AMOTL1: variants seen among roughly 807,000 people sequenced by gnomAD.
AMOTL1 encodes the protein angiomotin-like protein 1.
AMOTL1 carries 45 observed loss-of-function variants against 102.9 expected under a neutral mutation model. That is an observed-to-expected ratio of 0.44 (90% CI 0.34 to 0.56). AMOTL1 has a LOEUF of 0.56. Ranked by LOEUF, AMOTL1 falls within the 20% of genes least tolerant of loss-of-function variation. The pLI, the probability that AMOTL1 is intolerant of heterozygous loss-of-function variation, is 0.01. For missense variants in AMOTL1, 1,114 were observed against 1,225.6 expected, an observed-to-expected ratio of 0.91 and a Z score of 1.36; for synonymous variants, 481 against 484.7, an observed-to-expected ratio of 0.99 and a Z score of 0.10.
chr11:94,872,963 A>T lies in AMOTL1; in HGVS notation c.*2168A>T, dbSNP rs911469161. 3 of 152,198 alleles carry T rather than the reference A, an allele frequency of 2.0e-5. No individual in the cohort carries two copies. Among genetic ancestry groups the T allele is most frequent in the Non-Finnish European group, 2.9e-5 (2 of 68,044 alleles). The allele number at this position is 152,198 out of a possible 1,614,324, so 9.4% of individuals were successfully genotyped here. A position where few individuals can be genotyped will look rare whatever the true frequency, so the allele number is the denominator to read the frequency against. ...CTTAAGGACATTTTGACCCCAGTTT[A>T]TGTTGGGGATGGACCAGAAAGGAAA... On this transcript the variant is annotated 3_prime_UTR_variant, in exon 13 of 13. Transcript: ENST00000433060.
chr11:94,711,746 T>C (rs1950024956), intron 1 of AMOTL1, among the ~76,000 whole-genome samples: 1 of 152,102 alleles, frequency 6.6e-6, no homozygotes, highest in South Asian at 2.1e-4. Context: ...TCTATCCAGG[T>C]TGTTATGCGT....
intron 9 of AMOTL1, among the ~76,000 whole-genome samples, chr11:94,860,238 C>T (rs1056875235): frequency 2.6e-5 from 4 of 152,174 alleles, no homozygotes; most frequent in Non-Finnish European, 5.9e-5. Flanking sequence ...CTTCATTTTA[C>T]AAGCAAAGAA....
intron 1 of AMOTL1, among the ~76,000 whole-genome samples, chr11:94,725,195 G>C (rs1217193772): frequency 6.6e-6 from 1 of 152,118 alleles, no homozygotes; most frequent in African/African-American, 2.4e-5. Flanking sequence ...AGGGACTCCA[G>C]TGGCATGCTG....
chr11:94,800,259 A>C lies in AMOTL1; in HGVS notation c.1069A>C (p.Thr357Pro). ...CTACCCTGCTCCTCAGCCTGTGAGA[A>C]CAGATGTGGCCGTCCTGCGGTACCA... The part of the protein sequence containing the change: ...KPYPAPQPVR[T>P]DVAVLRYQPP... The change falls in exon 3 of 13, where the codon ACA becomes CCA. Residue 357 changes from threonine (T) to proline (P), a missense_variant. Coordinates refer to ENST00000433060, the MANE Select transcript of AMOTL1 (RefSeq NM_130847.3). 6.2e-7 allele frequency: 1 copy of C among 1,613,828 alleles called. No individual in the cohort carries two copies. Among genetic ancestry groups the C allele is most frequent in the South Asian group, 1.1e-5 (1 of 91,050 alleles).
intron 1 of AMOTL1, among the ~76,000 whole-genome samples, chr11:94,716,501 TG>T (rs1297211862): frequency 1.3e-5 from 2 of 152,160 alleles, no homozygotes; most frequent in Non-Finnish European, 2.9e-5. Context: ...GTCACCCTTT[TG>T]GGGCTTAGCG....
At chr11:94,744,810 A>G (rs1261219446) in intron 3 of AMOTL1, among the ~76,000 whole-genome samples, 1 of 152,216 alleles carries the variant, frequency 6.6e-6, no homozygotes, top group African/African-American at 2.4e-5. Context: ...CCCATATTCT[A>G]TGAGTCAGCA....
At chr11:94,864,039 C>T (rs1035149190) in intron 9 of AMOTL1, among the ~76,000 whole-genome samples, 1 of 152,200 alleles carries the variant, frequency 6.6e-6, no homozygotes, top group South Asian at 2.1e-4. Context: ...CAGAATACAA[C>T]ATGAAGGAAG....
intron 3 of AMOTL1, among the ~76,000 whole-genome samples, chr11:94,805,038 C>G (rs3858372): frequency 0.27 from 41,194 of 152,182 alleles, 6,175 homozygotes; most frequent in East Asian, 0.47. Flanking sequence ...CAGCAGCTTG[C>G]AAGTGCAGGA....
chr11:94,757,248 C>A (rs1178009430), intron 3 of AMOTL1, among the ~76,000 whole-genome samples: 1 of 152,102 alleles, frequency 6.6e-6, no homozygotes, highest in Non-Finnish European at 1.5e-5. Flanking sequence ...ATTTCTAGAA[C>A]ACCTGCTGCA....
At chr11:94,775,497 T>C (rs1357346593) in intron 1 of AMOTL1, among the ~76,000 whole-genome samples, 1 of 152,194 alleles carries the variant, frequency 6.6e-6, no homozygotes, top group Non-Finnish European at 1.5e-5. Context: ...TTTTTTTTTT[T>C]CTAGCAGTTT....
intron 6 of AMOTL1, among the ~76,000 whole-genome samples, chr11:94,838,197 A>G (rs1952222658): frequency 6.6e-6 from 1 of 152,218 alleles, no homozygotes; most frequent in South Asian, 2.1e-4. Flanking sequence ...TGTACACACC[A>G]TAAGGGGAGG....
intron 3 of AMOTL1, among the ~76,000 whole-genome samples, chr11:94,748,212 A>C (rs992146255): frequency 6.6e-6 from 1 of 152,226 alleles, no homozygotes; most frequent in African/African-American, 2.4e-5. Flanking sequence ...TGAACAGTCC[A>C]GTGCTGATCT....
At chr11:94,828,311 A>G (rs951115507) in intron 4 of AMOTL1, among the ~76,000 whole-genome samples, 3 of 152,162 alleles carry the variant, frequency 2.0e-5, no homozygotes, top group Non-Finnish European at 2.9e-5. Flanking sequence ...TTTTAGTGTC[A>G]TAGTTCAGGC....
At chr11:94,712,454 G>T (rs1431230696) in intron 1 of AMOTL1, among the ~76,000 whole-genome samples, 1 of 151,964 alleles carries the variant, frequency 6.6e-6, no homozygotes, top group Non-Finnish European at 1.5e-5. Flanking sequence ...GTCTCCAAAA[G>T]CAATTGTAAC....
intron 3 of AMOTL1, among the ~76,000 whole-genome samples, chr11:94,745,286 C>G (rs1438569141): frequency 8.3e-6 from 1 of 120,876 alleles, no homozygotes; most frequent in Non-Finnish European, 1.6e-5. Flanking sequence ...GTGTGATGTT[C>G]CCCACTCTGT....
At chr11:94,810,158 GAGAA>G (rs535836678) in intron 3 of AMOTL1, among the ~76,000 whole-genome samples, 2 of 152,210 alleles carry the variant, frequency 1.3e-5, no homozygotes, top group Non-Finnish European at 2.9e-5. Flanking sequence ...AAGGTACAGA[GAGAA>G]AGAGTCTGGT....
rs1953040153 is a variant in AMOTL1, at chr11:94,873,468, G to GA, written c.*2678dup. The GA allele has an allele frequency of 6.6e-6, 1 of 152,142 alleles. No homozygotes were observed. The highest frequency in any genetic ancestry group is 1.5e-5 in the Non-Finnish European group (1 of 68,038). The allele number at this position is 152,142 out of a possible 1,614,324, so 9.4% of individuals were successfully genotyped here. A position where few individuals can be genotyped will look rare whatever the true frequency, so the allele number is the denominator to read the frequency against. On this transcript the variant is annotated 3_prime_UTR_variant, in exon 13 of 13. Coordinates refer to ENST00000433060, the MANE Select transcript of AMOTL1 (RefSeq NM_130847.3). ...TTACAATATCTTAAACAGATTTTCA[G>GA]AAAAATAATGCAACTATATTTTCTA...
chr11:94,870,905 T>G lies in AMOTL1; in HGVS notation c.*110T>G, dbSNP rs1952983895. 3 of 837,848 alleles carry G rather than the reference T, an allele frequency of 3.6e-6. No individual in the cohort carries two copies. The highest frequency in any genetic ancestry group is 5.4e-6 in the Non-Finnish European group (3 of 559,040). 51.9% of individuals were successfully genotyped at this position (837,848 alleles called of 1,614,324 possible). A position where few individuals can be genotyped will look rare whatever the true frequency, so the allele number is the denominator to read the frequency against. ...ATGGGAAATCAGGAATGATTTGAAC[T>G]GATAAAGATTTCAGACTCATAAGAA... On this transcript the variant is annotated 3_prime_UTR_variant, in exon 13 of 13. Coordinates refer to ENST00000433060, the MANE Select transcript of AMOTL1 (RefSeq NM_130847.3).
intron 1 of AMOTL1, among the ~76,000 whole-genome samples, chr11:94,787,869 G>A (rs1591965016): frequency 6.6e-6 from 1 of 151,972 alleles, no homozygotes; most frequent in Admixed American, 6.6e-5. Flanking sequence ...GAAATATATC[G>A]GGCAGCTCAC....
Sources: allele counts gnomAD v4.1 joint callset (sites outside exome capture counted in the v4.1 genomes callset), GRCh38; gene constraint gnomAD v4.1.1; transcripts MANE v1.5; gene names NCBI Gene and HGNC (gene_info 2026-07-23, HGNC 2026-07-21).